The following UST variants were observed in gnomAD, a reference collection of about 807,000 sequenced individuals.
UST encodes uronyl 2-sulfotransferase, also known as chondroitin sulfate 2-O-sulfotransferase.
UST carries 21 observed loss-of-function variants against 45.6 expected under a neutral mutation model. The observed-to-expected ratio is 0.46, with a 90% CI of 0.33 to 0.66. The LOEUF (loss-of-function observed/expected upper bound fraction) is 0.66. Among genes scored for constraint, UST ranks in the 30% least tolerant of loss-of-function variants. UST has a pLI of 0.02. For missense variants in UST, 463 were observed against 512.4 expected (o/e 0.90, Z 0.93); for synonymous variants, 215 against 200.6 (o/e 1.07, Z -0.61).
chr6:148,922,226 T>C (rs1779721865), intron 2 of UST, among the ~76,000 whole-genome samples: 1 of 152,146 alleles, frequency 6.6e-6, no homozygotes, highest in Non-Finnish European at 1.5e-5. Flanking sequence ...AGAAACCCTG[T>C]ACCTATTGAC....
intron 1 of UST, among the ~76,000 whole-genome samples, chr6:148,886,574 A>G (rs1180711595): frequency 6.6e-6 from 1 of 152,232 alleles, no homozygotes; most frequent in Non-Finnish European, 1.5e-5. Context: ...CAGCATCAGT[A>G]TCTCTTGGGA....
intron 1 of UST, among the ~76,000 whole-genome samples, chr6:148,796,955 A>G (rs955148902): frequency 1.1e-4 from 16 of 151,840 alleles, no homozygotes; most frequent in Admixed American, 7.2e-4. Context: ...GGCGCCTCCC[A>G]TGATGTCCGG....
intron 2 of UST, among the ~76,000 whole-genome samples, chr6:148,919,844 A>C (rs1307850193): frequency 6.6e-6 from 1 of 152,242 alleles, no homozygotes; most frequent in Non-Finnish European, 1.5e-5. Context: ...ACTGTCATCC[A>C]TTAAAATGGC....
chr6:148,856,630 A>G (rs1778210626), intron 1 of UST, among the ~76,000 whole-genome samples: 1 of 152,326 alleles, frequency 6.6e-6, no homozygotes, highest in East Asian at 1.9e-4. Context: ...GCTTTCCCAC[A>G]TAATCTCTTG....
intron 1 of UST, among the ~76,000 whole-genome samples, chr6:148,883,094 C>CA (rs1778853628): frequency 2.0e-5 from 3 of 152,204 alleles, no homozygotes; most frequent in African/African-American, 7.2e-5. Flanking sequence ...TTAGTGTAGA[C>CA]ATAACTGTTA....
chr6:148,904,595 T>C lies in UST; in HGVS notation c.291+17566T>C, dbSNP rs142775652. Among the ~76,000 whole-genome samples, 900 of 152,168 alleles carry C rather than the reference T, an allele frequency of 5.9e-3. 9 individuals are homozygous for C. The highest frequency in any genetic ancestry group is 0.02 in the African/African-American group (843 of 41,532). ...CTGGAGTGCAGTGACACAATCTTGG[T>C]TCACTGCAGCCTCCACCTACCAGGT... On this transcript the variant is annotated intron_variant, in intron 2 of 7. Coordinates refer to ENST00000367463, the MANE Select transcript of UST (RefSeq NM_005715.3).
intron 1 of UST, among the ~76,000 whole-genome samples, chr6:148,868,365 T>G (rs1037259833): frequency 4.6e-5 from 7 of 152,332 alleles, no homozygotes; most frequent in South Asian, 2.1e-4. Context: ...AATGCAAAGA[T>G]GAACTCTGGT....
intron 1 of UST, among the ~76,000 whole-genome samples, chr6:148,813,295 T>C (rs112430095): frequency 4.6e-5 from 7 of 152,306 alleles, no homozygotes; most frequent in African/African-American, 1.7e-4. Flanking sequence ...TTTTTTTCTT[T>C]TAAATTTTGT....
chr6:148,841,576 G>GT (rs1385404214), intron 1 of UST, among the ~76,000 whole-genome samples: 12 of 125,198 alleles, frequency 9.6e-5, no homozygotes, highest in African/African-American at 1.9e-4. Flanking sequence ...AAGGGGGTCT[G>GT]TTTTGTTTTT....
At chr6:148,781,184 G>C (rs558656616) in intron 1 of UST, among the ~76,000 whole-genome samples, 1 of 152,184 alleles carries the variant, frequency 6.6e-6, no homozygotes, top group Non-Finnish European at 1.5e-5. Flanking sequence ...ATAAACTGAA[G>C]GCTGGGTCTC....
rs9498146 is a variant in UST at position 148,747,491 on chromosome 6, A to C, written c.61A>C (p.Met21Leu). 15 of 1,515,860 alleles carry C rather than the reference A, an allele frequency of 9.9e-6. No individual in the cohort carries two copies. Among genetic ancestry groups the C allele is most frequent in the Non-Finnish European group, 1.3e-5 (15 of 1,131,492 alleles). The allele number at this position is 1,515,860 out of a possible 1,614,324, so 93.9% of individuals were successfully genotyped here. Residue 21 changes from methionine (M) to leucine (L), a missense_variant, in exon 1 of 8, where the codon ATG (methionine) becomes CTG (leucine). By Grantham distance (15) the Met-to-Leu change is conservative (BLOSUM62 2). This residue lies in a region of UST where 176 missense variants were observed against 138.3 expected (regional missense o/e 1.27). Transcript: ENST00000367463. Reference protein sequence around the residue: ...GADPWPHGAPMGGAPPGLGSW... With the variant: ...GADPWPHGAPLGGAPPGLGSW... ...GGATCCCTGGCCCCATGGGGCCCCTATGGGGGGCGCCCCTCCGGGCCTGGG... is the reference window on the plus strand; with the variant it reads ...GGATCCCTGGCCCCATGGGGCCCCTCTGGGGGGCGCCCCTCCGGGCCTGGG...
chr6:148,852,922 TA>T (rs1778132815), intron 1 of UST, among the ~76,000 whole-genome samples: 1 of 152,204 alleles, frequency 6.6e-6, no homozygotes, highest in South Asian at 2.1e-4. Flanking sequence ...ATGACTTTAG[TA>T]AATACCTGTT....
intron 1 of UST, among the ~76,000 whole-genome samples, chr6:148,877,498 G>A (rs1364164446): frequency 3.7e-5 from 3 of 80,188 alleles, no homozygotes; most frequent in Non-Finnish European, 7.1e-5. Context: ...TGCTGGGGTC[G>A]TGTGTGGGTG....
intron 2 of UST, among the ~76,000 whole-genome samples, chr6:148,922,992 C>T (rs951488832): frequency 4.6e-5 from 7 of 151,858 alleles, no homozygotes; most frequent in South Asian, 2.1e-4. Context: ...GGAGTTTCAC[C>T]GTGTTGGCCA....
At chr6:148,867,622 T>C (rs1285291179) in intron 1 of UST, among the ~76,000 whole-genome samples, 1 of 152,122 alleles carries the variant, frequency 6.6e-6, no homozygotes. Context: ...GATCTGATGG[T>C]TTGATAAGGG....
rs59151398 is a variant in UST, at chr6:149,049,931, TCACA to T, written c.938-23870_938-23867del. 2.2e-3 allele frequency among the ~76,000 whole-genome samples: 292 copies of T among 134,536 alleles called. 2 individuals carry two copies. Among genetic ancestry groups the T allele is most frequent in the Middle Eastern group, 0.011 (3 of 274 alleles). 88.3% of individuals were successfully genotyped at this position (134,536 alleles called of 152,430 possible). On this transcript the variant is annotated intron_variant, in intron 7 of 7. Transcript: ENST00000367463. Reference sequence around the variant, plus strand: ...TTGTCTCTCTCTCTCTCTCTCTCTCTCACACACACACACACACACACACACACAC... The same window carrying T: ...TTGTCTCTCTCTCTCTCTCTCTCTCTCACACACACACACACACACACACAC...
At chr6:149,051,249 A>T (rs959372385) in intron 7 of UST, among the ~76,000 whole-genome samples, 1 of 152,226 alleles carries the variant, frequency 6.6e-6, no homozygotes, top group Non-Finnish European at 1.5e-5. Context: ...AGCCATATCG[A>T]TGGAGAAACA....
At chr6:148,944,125 T>G (rs1048621841) in intron 3 of UST, among the ~76,000 whole-genome samples, 12 of 152,188 alleles carry the variant, frequency 7.9e-5, no homozygotes, top group African/African-American at 2.9e-4. Context: ...TTTTGGTAAT[T>G]TATTAGAGGA....
At chr6:148,813,077 T>G (rs1010488006) in intron 1 of UST, among the ~76,000 whole-genome samples, 1 of 152,218 alleles carries the variant, frequency 6.6e-6, no homozygotes, top group Non-Finnish European at 1.5e-5. Flanking sequence ...CACACACACA[T>G]GTATTTACAT....
Sources: gnomAD v4.1 joint callset for allele counts (sites outside exome capture counted in the v4.1 genomes callset) on GRCh38, gnomAD v4.1.1 for gene constraint, gnomAD v4.1.1 regional missense constraint, MANE v1.5 for transcripts, NCBI Gene and HGNC (gene_info 2026-07-23, HGNC 2026-07-21) for gene names.